CSMD1: variants seen among roughly 807,000 people sequenced by gnomAD.
CSMD1 encodes CUB and sushi domain-containing protein 1.
CSMD1 carries 213 observed loss-of-function variants against 417.5 expected under a neutral mutation model. The observed-to-expected ratio is 0.51, with a 90% CI of 0.46 to 0.57. CSMD1 has a LOEUF of 0.57. Ranked by LOEUF, CSMD1 falls within the 20% of genes least tolerant of loss-of-function variation. The probability of loss-of-function intolerance (pLI) is 0.00; values close to 1 mark genes in which losing one functional copy is unlikely to be tolerated. For synonymous variants in CSMD1, 2,862 were observed against 1,736.8 expected (o/e 1.65, Z -16.11); for missense variants, 6,923 against 4,529.7 (o/e 1.53, Z -15.17).
intron 3 of CSMD1, among the ~76,000 whole-genome samples, chr8:4,054,245 G>C (rs975142487): frequency 4.6e-5 from 7 of 151,790 alleles, no homozygotes; most frequent in African/African-American, 1.7e-4. Context: ...ATGGACAAAT[G>C]ACGACTTTGA....
chr8:4,839,380 T>TATTAC (rs1350389908), intron 1 of CSMD1, among the ~76,000 whole-genome samples: 2 of 152,208 alleles, frequency 1.3e-5, no homozygotes, highest in African/African-American at 4.8e-5. Flanking sequence ...TATGTCAAAG[T>TATTAC]ATCACATCAC....
At chr8:4,042,453 A>C (rs1235910216) in intron 3 of CSMD1, among the ~76,000 whole-genome samples, 1 of 152,064 alleles carries the variant, frequency 6.6e-6, no homozygotes, top group Non-Finnish European at 1.5e-5. Flanking sequence ...ATATGACAAA[A>C]ATATTTTGCA....
intron 5 of CSMD1, among the ~76,000 whole-genome samples, chr8:3,829,484 T>A (rs1802246771): frequency 6.6e-6 from 1 of 152,150 alleles, no homozygotes; most frequent in Admixed American, 6.6e-5. Context: ...ACCCTGCTGT[T>A]CTTGAGTATT....
At chr8:3,492,154 CG>C (rs1818417463) in intron 11 of CSMD1, among the ~76,000 whole-genome samples, 1 of 152,234 alleles carries the variant, frequency 6.6e-6, no homozygotes, top group South Asian at 2.1e-4. Flanking sequence ...GGGACTGAAA[CG>C]GGTGGGCGTG....
At chr8:3,338,033 G>C (rs1240202956) in intron 23 of CSMD1, among the ~76,000 whole-genome samples, 1 of 152,128 alleles carries the variant, frequency 6.6e-6, no homozygotes. Context: ...TTTCCCAAGC[G>C]ATATCATTCA....
chr8:2,967,824 C>T (rs1451624832), intron 57 of CSMD1, among the ~76,000 whole-genome samples: 2 of 151,566 alleles, frequency 1.3e-5, no homozygotes, highest in East Asian at 1.9e-4. Context: ...AGAGAAGTCA[C>T]TGTACTGGGA....
At chr8:3,464,554 C>G (rs1816693430) in intron 12 of CSMD1, among the ~76,000 whole-genome samples, 1 of 147,294 alleles carries the variant, frequency 6.8e-6, no homozygotes, top group African/African-American at 2.6e-5. Flanking sequence ...TATATGGATT[C>G]TATCTATTAT....
rs555472129 is a variant in CSMD1, at chr8:3,624,467, G to T, written c.1010-7670C>A. On this transcript the variant is annotated intron_variant, in intron 7 of 69. Transcript: ENST00000635120. ...TAAACTCACACTTTTTAGCACGAAG[G>T]CACTTACGATTGATTATTATTGTCT... Among the ~76,000 whole-genome samples, 5 of 152,258 alleles carry T rather than the reference G, an allele frequency of 3.3e-5. No individual in the cohort carries two copies. The South Asian group carries it at 1.0e-3, about 32-fold the overall frequency.
At chr8:4,799,743 G>C (rs1037916056) in intron 1 of CSMD1, among the ~76,000 whole-genome samples, 1 of 149,744 alleles carries the variant, frequency 6.7e-6, no homozygotes, top group African/African-American at 2.5e-5. Flanking sequence ...ATGTCAAAAA[G>C]CTTTACATTT....
chr8:4,454,362 A>T (rs1799343217), intron 2 of CSMD1, among the ~76,000 whole-genome samples: 1 of 152,018 alleles, frequency 6.6e-6, no homozygotes, highest in East Asian at 1.9e-4. Flanking sequence ...TTCTTCTCCC[A>T]ACACATACCT....
intron 1 of CSMD1, among the ~76,000 whole-genome samples, chr8:4,803,452 G>A (rs34389960): frequency 0.24 from 36,259 of 152,094 alleles, 4,952 homozygotes; most frequent in East Asian, 0.36. Flanking sequence ...GGTTTTGCAT[G>A]ATAGGAGAGG....
rs536531337 is a variant in CSMD1, at chr8:4,554,024, G to A, written c.302+83318C>T. On this transcript the variant is annotated intron_variant, in intron 2 of 69. Transcript: ENST00000635120. ...GCTTAGTAGACCTTGCGATCTAACC[G>A]CCCAGTGTTCCACATTATATCCCTG... 2.3e-4 allele frequency among the ~76,000 whole-genome samples: 35 copies of A among 152,236 alleles called. No individual in the cohort carries two copies. In the East Asian group the frequency reaches 2.3e-3, roughly 10 times the overall value.
At chr8:3,305,370 A>C (rs557851471) in intron 25 of CSMD1, among the ~76,000 whole-genome samples, 4 of 152,266 alleles carry the variant, frequency 2.6e-5, no homozygotes, top group African/African-American at 9.6e-5. Flanking sequence ...TACTGTCTCC[A>C]CCAAAACTCA....
chr8:3,257,747 GC>G (rs1415457141), intron 26 of CSMD1, among the ~76,000 whole-genome samples: 2 of 152,128 alleles, frequency 1.3e-5, no homozygotes, highest in African/African-American at 2.4e-5. Context: ...CATTTCTGGG[GC>G]TGGAGCTGAG....
chr8:4,008,317 G>A (rs1213642035), intron 4 of CSMD1, among the ~76,000 whole-genome samples: 1 of 151,836 alleles, frequency 6.6e-6, no homozygotes, highest in African/African-American at 2.4e-5. Flanking sequence ...TCAATTTTTA[G>A]GTGATCTATT....
At position 3,697,817 on chromosome 8, in the gene CSMD1, TTAGG is replaced by T. The variant is rs1800635979; in HGVS notation, c.1009+10593_1009+10596del. ...AATGCTAAAATTTATACTTCCTTTT[TTAGG>T]TCTGCCATCATCTCCAGGTTGTTTC... is the stretch of plus-strand genomic sequence containing the variant. On this transcript the variant is annotated intron_variant, in intron 7 of 69. Coordinates refer to ENST00000635120, the MANE Select transcript of CSMD1 (RefSeq NM_033225.6). 3.3e-5 allele frequency among the ~76,000 whole-genome samples: 5 copies of T among 152,354 alleles called. No individual in the cohort carries two copies. In the South Asian group the frequency reaches 1.0e-3, roughly 32 times the overall value.
rs549213144 is a variant in CSMD1 at position 3,753,764 on chromosome 8, T to A, written c.931+166A>T. 2.6e-5 allele frequency among the ~76,000 whole-genome samples: 4 copies of A among 152,356 alleles called. No homozygotes were observed. In the South Asian group the frequency reaches 8.3e-4, roughly 32 times the overall value. ...TGTGATAGTGATATAGCTTTACTAA[T>A]AAGTTCCCAGCTGTCGACTATATGA... On this transcript the variant is annotated intron_variant, in intron 6 of 69. Transcript: ENST00000635120.
At position 3,939,910 on chromosome 8, in the gene CSMD1, C is replaced by T. The variant is rs570122487; in HGVS notation, c.818+57993G>A. Among the ~76,000 whole-genome samples, 4 of 152,026 alleles carry T rather than the reference C, an allele frequency of 2.6e-5. 1 individual carries two copies. The highest frequency in any genetic ancestry group is 9.7e-5 in the African/African-American group (4 of 41,402). On this transcript the variant is annotated intron_variant, in intron 5 of 69. Transcript: ENST00000635120. ...AATGAAAGACTACATATTGGGTTCACTGTAAACTTCTCGGATGACAGGTGC... is the reference window on the plus strand; with the variant it reads ...AATGAAAGACTACATATTGGGTTCATTGTAAACTTCTCGGATGACAGGTGC...
intron 7 of CSMD1, among the ~76,000 whole-genome samples, chr8:3,645,689 T>A (rs1372882357): frequency 6.6e-6 from 1 of 152,174 alleles, no homozygotes; most frequent in East Asian, 1.9e-4. Flanking sequence ...GCATTGCCTT[T>A]GAAAGAACTT....
Sources: allele counts gnomAD v4.1 joint callset (sites outside exome capture counted in the v4.1 genomes callset), GRCh38; gene constraint gnomAD v4.1.1; transcripts MANE v1.5; gene names NCBI Gene and HGNC (gene_info 2026-07-23, HGNC 2026-07-21).